The following SNTG2 variants were observed in gnomAD, a reference collection of about 807,000 sequenced individuals.
The protein encoded by SNTG2 is gamma-2-syntrophin.
A neutral mutation model predicts 70.9 loss-of-function variants in SNTG2; 74 were observed. The observed-to-expected ratio is 1.04, with a 90% CI of 0.86 to 1.27. The LOEUF (loss-of-function observed/expected upper bound fraction) is 1.27, where lower values mean the gene tolerates loss of function less well. Among genes scored for constraint, SNTG2 ranks in the 50% most tolerant of loss-of-function variants. The probability of loss-of-function intolerance (pLI) is 0.00; values close to 1 mark genes in which losing one functional copy is unlikely to be tolerated. For synonymous variants in SNTG2, 278 were observed against 273.8 expected, an observed-to-expected ratio of 1.02 and a Z score of -0.15; for missense variants, 717 against 690.7, an observed-to-expected ratio of 1.04 and a Z score of -0.43.
intron 11 of SNTG2, among the ~76,000 whole-genome samples, chr2:1,245,201 A>G (rs201020974): frequency 1.7e-3 from 262 of 151,600 alleles, no homozygotes; most frequent in Non-Finnish European, 3.0e-3. Flanking sequence ...CAGCACACCA[A>G]CATGGCACAT....
chr2:1,204,655 G>A (rs917104538), intron 8 of SNTG2, among the ~76,000 whole-genome samples: 1 of 152,182 alleles, frequency 6.6e-6, no homozygotes, highest in Non-Finnish European at 1.5e-5. Context: ...TTTATAGAGA[G>A]ACCACATTCT....
chr2:1,350,266 C>A (rs948884105), intron 16 of SNTG2, among the ~76,000 whole-genome samples: 2 of 152,092 alleles, frequency 1.3e-5, no homozygotes, highest in African/African-American at 4.8e-5. Context: ...TCCTGGAAAG[C>A]GGAACTTGGA....
At chr2:1,244,454 TG>T (rs1177314294) in intron 11 of SNTG2, among the ~76,000 whole-genome samples, 1 of 152,094 alleles carries the variant, frequency 6.6e-6, no homozygotes, top group Non-Finnish European at 1.5e-5. Context: ...CCCAGCACTT[TG>T]GGAGGCCGAG....
chr2:1,145,577 CAGAA>C (rs1464393319), intron 6 of SNTG2, among the ~76,000 whole-genome samples: 4 of 152,180 alleles, frequency 2.6e-5, no homozygotes, highest in Non-Finnish European at 5.9e-5. Context: ...CTTTCTCAAA[CAGAA>C]AGTGCCAGGC....
intron 16 of SNTG2, among the ~76,000 whole-genome samples, chr2:1,355,843 C>T (rs953697154): frequency 6.6e-5 from 10 of 152,124 alleles, no homozygotes; most frequent in East Asian, 3.9e-4. Context: ...GTTGTCAACA[C>T]GGTATTTTCT....
chr2:1,307,155 CTG>C lies in SNTG2; in HGVS notation c.1285-1318_1285-1317del, dbSNP rs60717774. Among the ~76,000 whole-genome samples the C allele has an allele frequency of 5.7e-3, 766 of 134,244 alleles. 5 individuals are homozygous for C. Among genetic ancestry groups the C allele is most frequent in the African/African-American group, 0.011 (390 of 35,354 alleles). 88.1% of individuals were successfully genotyped at this position (134,244 alleles called of 152,430 possible). A position where few individuals can be genotyped will look rare whatever the true frequency, so the allele number is the denominator to read the frequency against. The stretch of plus-strand genomic sequence containing the variant: ...CTGTGTGTGTGGTGGGAGCCATGTG[CTG>C]TGTGTGTGTGTGTGTGTGTGGTGTG... On this transcript the variant is annotated intron_variant, in intron 14 of 16. Transcript: ENST00000308624.
At chr2:1,139,984 A>G (rs760305180) in intron 6 of SNTG2, among the ~76,000 whole-genome samples, 3 of 152,228 alleles carry the variant, frequency 2.0e-5, no homozygotes, top group Non-Finnish European at 2.9e-5. Flanking sequence ...ATTATTAGAG[A>G]AATGCTAATG....
intron 1 of SNTG2, among the ~76,000 whole-genome samples, chr2:1,008,982 A>G (rs1395150336): frequency 6.6e-6 from 1 of 152,240 alleles, no homozygotes; most frequent in Non-Finnish European, 1.5e-5. Context: ...TTGCTTGTAC[A>G]TAATTGCCTT....
At chr2:977,051 G>A (rs1025879641) in intron 1 of SNTG2, among the ~76,000 whole-genome samples, 3 of 152,102 alleles carry the variant, frequency 2.0e-5, no homozygotes, top group African/African-American at 7.2e-5. Flanking sequence ...CTCTCTGCAC[G>A]GCCTTCCTAG....
intron 12 of SNTG2, among the ~76,000 whole-genome samples, chr2:1,255,590 C>G (rs769003105): frequency 6.0e-4 from 91 of 151,850 alleles, no homozygotes; most frequent in Middle Eastern, 3.4e-3. Context: ...TCCAAACTTG[C>G]TAAATCTGAA....
In SNTG2 at chr2:980,623, C is replaced by T. The variant is rs116336740; in HGVS notation, c.72+29555C>T. Among the ~76,000 whole-genome samples the T allele has an allele frequency of 9.5e-3, 1,438 of 152,030 alleles. 32 individuals carry two copies. Among genetic ancestry groups the T allele is most frequent in the African/African-American group, 0.033 (1,356 of 41,472 alleles). ...ACCTGATGCTTATCTGAAATTTTAG[C>T]TTCATACAAGCCATCCAGTATGTGT... On this transcript the variant is annotated intron_variant, in intron 1 of 16. Coordinates refer to ENST00000308624, the MANE Select transcript of SNTG2 (RefSeq NM_018968.4).
chr2:1,151,324 C>A (rs1669483279), intron 6 of SNTG2, among the ~76,000 whole-genome samples: 1 of 13,286 alleles, frequency 7.5e-5, no homozygotes, highest in African/African-American at 1.9e-4. Context: ...GGGGGGTGTC[C>A]CACTCCTGTG....
At chr2:1,109,947 C>G (rs112776919) in intron 4 of SNTG2, among the ~76,000 whole-genome samples, 51 of 152,290 alleles carry the variant, frequency 3.3e-4, no homozygotes, top group African/African-American at 1.1e-3. Context: ...CATCGTTCAG[C>G]GCCAGGAAGT....
At chr2:956,186 C>T (rs1660144351) in intron 1 of SNTG2, among the ~76,000 whole-genome samples, 1 of 123,626 alleles carries the variant, frequency 8.1e-6, no homozygotes, top group African/African-American at 3.0e-5. Context: ...TGCCCTGCAC[C>T]TACCCCTGCC....
chr2:1,261,967 G>C lies in SNTG2; in HGVS notation c.1077+2526G>C, dbSNP rs923141174. 2.6e-5 allele frequency among the ~76,000 whole-genome samples: 4 copies of C among 152,084 alleles called. 1 individual carries two copies. The highest frequency in any genetic ancestry group is 2.6e-4 in the Admixed American group (4 of 15,252). The stretch of plus-strand genomic sequence containing the variant: ...AGCAGTGGTGTTCCGGGAGCCTGTC[G>C]CGAGTGGCCGTTAAGAGTTCTAGAA... On this transcript the variant is annotated intron_variant, in intron 13 of 16. Coordinates refer to ENST00000308624, the MANE Select transcript of SNTG2 (RefSeq NM_018968.4).
chr2:1,099,949 G>T (rs1389651956), intron 4 of SNTG2, among the ~76,000 whole-genome samples: 2 of 152,194 alleles, frequency 1.3e-5, no homozygotes, highest in Non-Finnish European at 2.9e-5. Context: ...ACTTGCAGCA[G>T]ATGGGATTCC....
At chr2:1,095,114 G>A (rs970438816) in intron 2 of SNTG2, among the ~76,000 whole-genome samples, 19 of 152,290 alleles carry the variant, frequency 1.2e-4, no homozygotes, top group East Asian at 5.8e-4. Flanking sequence ...GAGAGAGAGC[G>A]CTGTATCTGC....
At chr2:1,034,301 C>T (rs1450858498) in intron 1 of SNTG2, among the ~76,000 whole-genome samples, 1 of 152,212 alleles carries the variant, frequency 6.6e-6, no homozygotes, top group African/African-American at 2.4e-5. Flanking sequence ...TTTTTTATGA[C>T]TGCATAGTAT....
intron 8 of SNTG2, among the ~76,000 whole-genome samples, chr2:1,189,090 T>A (rs942335901): frequency 6.6e-6 from 1 of 152,084 alleles, no homozygotes; most frequent in East Asian, 1.9e-4. Flanking sequence ...AATGTGGATA[T>A]AATGAGAGAT....
Sources: gnomAD v4.1 joint callset for allele counts (sites outside exome capture counted in the v4.1 genomes callset) on GRCh38, gnomAD v4.1.1 for gene constraint, MANE v1.5 for transcripts, NCBI Gene and HGNC (gene_info 2026-07-23, HGNC 2026-07-21) for gene names.